Variants in DPYS observed in about 807,000 individuals in gnomAD.
The protein encoded by DPYS is dihydropyrimidine amidohydrolase.
Under a neutral mutation model 50.3 loss-of-function variants are expected in DPYS, and 39 were observed. That is an observed-to-expected ratio of 0.78 (90% CI 0.60 to 1.01). The LOEUF is 1.01. Among genes scored for constraint, DPYS ranks in the 50% least tolerant of loss-of-function variants. DPYS has a pLI of 0.00. For missense variants in DPYS, 659 were observed against 680.9 expected (o/e 0.97, Z 0.36); for synonymous variants, 245 against 250.7 (o/e 0.98, Z 0.22).
chr8:104,451,289 C>A lies in DPYS; in HGVS notation c.380G>T (p.Cys127Phe). ...CACTGCCACATGAAGGCTGTAGTCG[C>A]AGCAAACTTTGGGATCAGCCCAGCT... ...WRSWADPKVC[C>F]DYSLHVAVTW... The change falls in exon 2 of 10, where the codon TGC becomes TTC. Residue 127 changes from cysteine (C) to phenylalanine (F), a missense_variant. Physicochemically the swap from Cys to Phe is radical, Grantham distance 205 (BLOSUM62 -2). Coordinates refer to ENST00000351513, the MANE Select transcript of DPYS (RefSeq NM_001385.3). 6.2e-7 allele frequency: 1 copy of A among 1,614,158 alleles called. No individual in the cohort carries two copies. The highest frequency in any genetic ancestry group is 1.7e-5 in the Admixed American group (1 of 60,016).
chr8:104,428,379 A>T (rs1812811230), intron 5 of DPYS, among the ~76,000 whole-genome samples: 1 of 152,266 alleles, frequency 6.6e-6, no homozygotes, highest in Non-Finnish European at 1.5e-5. Context: ...CAGCTCCATC[A>T]CTTAACTAGC....
intron 1 of DPYS, among the ~76,000 whole-genome samples, chr8:104,457,281 G>A (rs936510908): frequency 3.3e-5 from 5 of 152,168 alleles, no homozygotes; most frequent in African/African-American, 4.8e-5. Flanking sequence ...GGCAGGGAGC[G>A]TCTATAGCAT....
At chr8:104,463,418 T>C (rs976170125) in intron 1 of DPYS, among the ~76,000 whole-genome samples, 5 of 152,228 alleles carry the variant, frequency 3.3e-5, no homozygotes, top group Non-Finnish European at 5.9e-5. Flanking sequence ...ATGCAACTTA[T>C]ATGGCTCTGT....
At chr8:104,455,712 C>T (rs1564114010) in intron 1 of DPYS, among the ~76,000 whole-genome samples, 1 of 152,198 alleles carries the variant, frequency 6.6e-6, no homozygotes, top group Admixed American at 6.5e-5. Context: ...CCAGACATGA[C>T]AACATGAGCC....
At chr8:104,451,170 T>C (rs1813722773) in intron 2 of DPYS, 76 bp downstream of exon 2, 14 of 1,584,756 alleles carry the variant, frequency 8.8e-6, no homozygotes, top group Middle Eastern at 4.4e-4. Context: ...AAGCAATCAA[T>C]GTCACCAGTT....
In DPYS at chr8:104,413,101, T is replaced by A. The variant is rs562309394; in HGVS notation, c.1235+11146A>T. On this transcript the variant is annotated intron_variant, in intron 7 of 9. Coordinates refer to ENST00000351513, the MANE Select transcript of DPYS (RefSeq NM_001385.3). ...ACTCTCACACATATATACAAAGACA[T>A]ACAGTGTCTGAAATAGTGAAAAATT... 8.5e-5 allele frequency among the ~76,000 whole-genome samples: 13 copies of A among 152,212 alleles called. No individual in the cohort carries two copies. The South Asian group carries it at 2.7e-3, about 32-fold the overall frequency.
In DPYS at chr8:104,467,016, C is replaced by T; in HGVS notation, c.-96G>A. The T allele has an allele frequency of 7.6e-7, 1 of 1,313,448 alleles. No individual in the cohort carries two copies. The highest frequency in any genetic ancestry group is 9.8e-7 in the Non-Finnish European group (1 of 1,023,996). 81.4% of individuals were successfully genotyped at this position (1,313,448 alleles called of 1,614,324 possible). On this transcript the variant is annotated 5_prime_UTR_variant, in exon 1 of 10. Transcript: ENST00000351513. ...CTTGGGGTGCCCTCCTGCAAGGTCC[C>T]CACCGACAGCCCCCGAGCTCTGCCT...
chr8:104,412,791 C>T (rs2251374), intron 7 of DPYS, among the ~76,000 whole-genome samples: 70,132 of 152,002 alleles, frequency 0.46, 16,833 homozygotes, highest in Middle Eastern at 0.55. Context: ...AAGCAAAAGC[C>T]ACCACTTCTC....
At chr8:104,434,529 C>A (rs1245509595) in intron 4 of DPYS, among the ~76,000 whole-genome samples, 1 of 152,196 alleles carries the variant, frequency 6.6e-6, no homozygotes. Context: ...GTTTACACCT[C>A]TCTGCAAGAG....
chr8:104,424,946 C>A (rs1332135080), intron 6 of DPYS, among the ~76,000 whole-genome samples: 1 of 151,172 alleles, frequency 6.6e-6, no homozygotes. Context: ...CCTGCCTCAG[C>A]CTCCCAAGTA....
chr8:104,446,608 C>T (rs1813538605), intron 3 of DPYS, among the ~76,000 whole-genome samples: 1 of 152,054 alleles, frequency 6.6e-6, no homozygotes, highest in South Asian at 2.1e-4. Context: ...CAATTTAAAC[C>T]CTGGTCTGTT....
At chr8:104,390,499 C>CT (rs551429478) in intron 8 of DPYS, among the ~76,000 whole-genome samples, 38,198 of 141,682 alleles carry the variant, frequency 0.27, 6,541 homozygotes, top group African/African-American at 0.48. Context: ...TTCTCTTTAA[C>CT]TTTTTTTTTT....
chr8:104,449,134 C>T (rs987511165), intron 2 of DPYS, among the ~76,000 whole-genome samples: 1 of 152,118 alleles, frequency 6.6e-6, no homozygotes, highest in African/African-American at 2.4e-5. Flanking sequence ...GGTTAAGTGA[C>T]AACAGCAAGG....
At chr8:104,431,578 C>T (rs1009779368) in intron 4 of DPYS, among the ~76,000 whole-genome samples, 1 of 151,882 alleles carries the variant, frequency 6.6e-6, no homozygotes, top group Non-Finnish European at 1.5e-5. Context: ...AAACAGGAGG[C>T]CTGGATAATC....
chr8:104,466,608 C>T, intron 1 of DPYS, 49 bp downstream of exon 1: 1 of 1,479,154 alleles, frequency 6.8e-7, no homozygotes. Context: ...GGGGAGGCTG[C>T]CCGAGCCTCC....
At chr8:104,392,740 G>A in intron 8 of DPYS, 44 bp downstream of exon 8, 1 of 1,610,614 alleles carries the variant, frequency 6.2e-7, no homozygotes, top group Non-Finnish European at 8.5e-7. Flanking sequence ...CCAGAAGCAG[G>A]AGACAGTCCG....
intron 9 of DPYS, 64 bp downstream of exon 9, chr8:104,381,120 G>A: frequency 3.0e-6 from 4 of 1,351,604 alleles, no homozygotes; most frequent in South Asian, 1.2e-5. Flanking sequence ...CAACCCTTAT[G>A]AGGAGAGATG....
intron 4 of DPYS, among the ~76,000 whole-genome samples, chr8:104,441,077 C>G (rs1407614129): frequency 3.3e-5 from 5 of 152,102 alleles, no homozygotes; most frequent in Non-Finnish European, 1.5e-5. Context: ...CTGCTTGATC[C>G]CATGCCTTGG....
chr8:104,451,700 T>G (rs564068043), intron 1 of DPYS, among the ~76,000 whole-genome samples: 1 of 152,082 alleles, frequency 6.6e-6, no homozygotes, highest in African/African-American at 2.4e-5. Context: ...AAAATCAAAA[T>G]GGAAAAGTGG....
Sources: allele counts gnomAD v4.1 joint callset (sites outside exome capture counted in the v4.1 genomes callset), GRCh38; gene constraint gnomAD v4.1.1; transcripts MANE v1.5; gene names NCBI Gene and HGNC (gene_info 2026-07-23, HGNC 2026-07-21).